The following VPS13B variants were observed in gnomAD, a reference collection of about 807,000 sequenced individuals.
The protein encoded by VPS13B is vacuolar protein sorting 13 homolog B.
VPS13B carries 285 observed loss-of-function variants against 426.4 expected under a neutral mutation model. That is an observed-to-expected ratio of 0.67 (90% CI 0.61 to 0.74). The LOEUF (loss-of-function observed/expected upper bound fraction) is 0.74. Ranked by LOEUF, VPS13B falls within the 30% of genes least tolerant of loss-of-function variation. The probability of loss-of-function intolerance (pLI) is 0.00; values close to 1 mark genes in which losing one functional copy is unlikely to be tolerated. For missense variants in VPS13B, 4,537 were observed against 4,782.6 expected (o/e 0.95, Z 1.51); for synonymous variants, 1,676 against 1,676.4 (o/e 1.00, Z 0.01).
chr8:99,448,357 C>G (rs1054831682), intron 23 of VPS13B, among the ~76,000 whole-genome samples: 1 of 151,862 alleles, frequency 6.6e-6, no homozygotes, highest in Non-Finnish European at 1.5e-5. Context: ...TCTCATTGAC[C>G]AAACCTACTC....
At chr8:99,472,017 C>A (rs1035795402) in intron 24 of VPS13B, among the ~76,000 whole-genome samples, 1 of 152,060 alleles carries the variant, frequency 6.6e-6, no homozygotes, top group Non-Finnish European at 1.5e-5. Context: ...ACCATACAAA[C>A]AGTCAGCATA....
intron 3 of VPS13B, among the ~76,000 whole-genome samples, chr8:99,081,590 A>C (rs1398666389): frequency 7.9e-5 from 5 of 63,368 alleles, no homozygotes; most frequent in African/African-American, 2.5e-4. Flanking sequence ...CCAACCCCAC[A>C]ACAGGCCCCC....
chr8:99,589,939 A>C (rs539165056), intron 33 of VPS13B, among the ~76,000 whole-genome samples: 1 of 152,320 alleles, frequency 6.6e-6, no homozygotes, highest in Admixed American at 6.5e-5. Flanking sequence ...TACCTCTGAT[A>C]GAATTCGGCT....
intron 17 of VPS13B, chr8:99,209,694 A>C (rs972450207): frequency 1.0e-6 from 1 of 994,056 alleles, no homozygotes; most frequent in Non-Finnish European, 1.2e-6. Context: ...GGCCCAAGCC[A>C]CTGTGCCTGG....
intron 33 of VPS13B, among the ~76,000 whole-genome samples, chr8:99,636,771 C>G (rs1829087989): frequency 6.6e-6 from 1 of 152,062 alleles, no homozygotes; most frequent in Non-Finnish European, 1.5e-5. Flanking sequence ...GAAACATTAT[C>G]TTCTTCGATA....
At chr8:99,252,218 C>G (rs757674349) in intron 17 of VPS13B, among the ~76,000 whole-genome samples, 2 of 151,864 alleles carry the variant, frequency 1.3e-5, no homozygotes, top group Non-Finnish European at 2.9e-5. Context: ...AAATTTCTCT[C>G]TCTGTACTAC....
At chr8:99,625,012 A>G (rs1828546772) in intron 33 of VPS13B, among the ~76,000 whole-genome samples, 1 of 151,566 alleles carries the variant, frequency 6.6e-6, no homozygotes, top group Non-Finnish European at 1.5e-5. Flanking sequence ...TTTAGTAGAG[A>G]CGGAGTTTCT....
At position 99,661,500 on chromosome 8, in the gene VPS13B, G is replaced by C. The variant is rs2129764870; in HGVS notation, c.6046+9G>C. Reference sequence around the variant, plus strand: ...CTTTCTGAATGGACCAGGTAAGAAAGTCATAAAATTTACATGTGTGTACAT... The same window carrying C: ...CTTTCTGAATGGACCAGGTAAGAAACTCATAAAATTTACATGTGTGTACAT... On this transcript the variant is annotated intron_variant, in intron 35 of 61. Coordinates refer to ENST00000357162, the MANE Select transcript of VPS13B (RefSeq NM_152564.5). The C allele has an allele frequency of 6.2e-7, 1 of 1,611,882 alleles. No homozygotes were observed. The highest frequency in any genetic ancestry group is 1.1e-5 in the South Asian group (1 of 91,034).
At chr8:99,777,029 G>A (rs1811775021) in intron 41 of VPS13B, 73 bp downstream of exon 41, 1 of 1,513,772 alleles carries the variant, frequency 6.6e-7, no homozygotes. Context: ...TTTCAAAAGA[G>A]AAGTCAACAA....
chr8:99,372,519 T>C (rs1353390725), intron 19 of VPS13B, among the ~76,000 whole-genome samples: 4 of 152,118 alleles, frequency 2.6e-5, no homozygotes, highest in African/African-American at 9.7e-5. Flanking sequence ...GAACAGACAC[T>C]TCTCAAAAGA....
At chr8:99,688,672 A>G (rs917719413) in intron 35 of VPS13B, among the ~76,000 whole-genome samples, 1 of 152,072 alleles carries the variant, frequency 6.6e-6, no homozygotes, top group African/African-American at 2.4e-5. Flanking sequence ...TCTTCATTAC[A>G]TCATTAAACA....
chr8:99,543,607 A>G (rs1823766045), intron 30 of VPS13B, among the ~76,000 whole-genome samples: 1 of 151,734 alleles, frequency 6.6e-6, no homozygotes, highest in South Asian at 2.1e-4. Flanking sequence ...AACTCAAACA[A>G]ATTTACAAGA....
intron 39 of VPS13B, among the ~76,000 whole-genome samples, chr8:99,722,696 A>G (rs1588656209): frequency 2.0e-5 from 3 of 151,950 alleles, no homozygotes; most frequent in East Asian, 3.9e-4. Flanking sequence ...TTTAGTAGAG[A>G]TGGGGTTTCA....
chr8:99,103,496 T>G (rs1328287862), intron 5 of VPS13B, among the ~76,000 whole-genome samples: 45 of 130,288 alleles, frequency 3.5e-4, no homozygotes, highest in African/African-American at 1.1e-3. Flanking sequence ...TGCCCGGCTT[T>G]TTTTTTTTTT....
chr8:99,700,370 A>C (rs914258198), intron 36 of VPS13B, among the ~76,000 whole-genome samples: 4 of 152,238 alleles, frequency 2.6e-5, no homozygotes, highest in Non-Finnish European at 5.9e-5. Context: ...AACTCTGGGC[A>C]TGGAGCCCAG....
intron 19 of VPS13B, among the ~76,000 whole-genome samples, chr8:99,361,391 A>G (rs1260980116): frequency 6.6e-6 from 1 of 152,146 alleles, no homozygotes; most frequent in Non-Finnish European, 1.5e-5. Flanking sequence ...CTCTTTTGAA[A>G]CTACTCAACT....
chr8:99,299,052 CTTTTTTTTTTTTT>C (rs11302301), intron 19 of VPS13B, among the ~76,000 whole-genome samples: 2 of 55,026 alleles, frequency 3.6e-5, no homozygotes, highest in South Asian at 8.7e-4. Flanking sequence ...TATTCCACCA[CTTTTTTTTTTTTT>C]TTTTTTTTTT....
Position 99,711,289 on chromosome 8 carries a change from T to A in VPS13B, c.6455-5882T>A, listed in dbSNP as rs537610259. Among the ~76,000 whole-genome samples, 3 of 152,248 alleles carry A rather than the reference T, an allele frequency of 2.0e-5. No individual in the cohort carries two copies. In the East Asian group the frequency reaches 5.8e-4, roughly 29 times the overall value. On this transcript the variant is annotated intron_variant, in intron 36 of 61. Transcript: ENST00000357162. The stretch of plus-strand genomic sequence containing the variant: ...TGTAAGTTTCAAAATTGAACCACAC[T>A]GAATTTCCTTGTAGGTATATGGCAA...
chr8:99,145,044 G>C (rs1810634780), intron 13 of VPS13B, among the ~76,000 whole-genome samples: 1 of 152,138 alleles, frequency 6.6e-6, no homozygotes, highest in Non-Finnish European at 1.5e-5. Context: ...AGAGCCTTGA[G>C]GTAGGAACAG....
Sources: allele counts gnomAD v4.1 joint callset (sites outside exome capture counted in the v4.1 genomes callset), GRCh38; gene constraint gnomAD v4.1.1; transcripts MANE v1.5; gene names NCBI Gene and HGNC (gene_info 2026-07-23, HGNC 2026-07-21).